Variants in CLDN18 observed in about 807,000 individuals in gnomAD.
CLDN18 encodes claudin-18.
A neutral mutation model predicts 25.0 loss-of-function variants in CLDN18; 20 were observed. That is an observed-to-expected ratio of 0.80 (90% CI 0.56 to 1.16). The LOEUF (loss-of-function observed/expected upper bound fraction) is 1.16, where lower values mean the gene tolerates loss of function less well. CLDN18 is among the 50% of genes most tolerant of loss of function. CLDN18 has a pLI of 0.00. For missense variants in CLDN18, 297 were observed against 345.4 expected, an observed-to-expected ratio of 0.86 and a Z score of 1.11; for synonymous variants, 125 against 135.6, an observed-to-expected ratio of 0.92 and a Z score of 0.54.
In CLDN18 at chr3:138,027,665, A is replaced by T. The variant is rs1214455105; in HGVS notation, c.504-2132A>T. ...AAAAAGTGCTTATCACAATATCAGT[A>T]AGGGCTTAATAAATGGTAGCAATTG... On this transcript the variant is annotated intron_variant, in intron 3 of 4. Transcript: ENST00000183605. Among the ~76,000 whole-genome samples, 6 of 152,334 alleles carry T rather than the reference A, an allele frequency of 3.9e-5. No individual in the cohort carries two copies. The South Asian group carries it at 1.0e-3, about 26-fold the overall frequency.
chr3:138,002,529 C>T (rs1361150878), intron 1 of CLDN18, among the ~76,000 whole-genome samples: 1 of 152,188 alleles, frequency 6.6e-6, no homozygotes, highest in African/African-American at 2.4e-5. Context: ...CAAATACGAT[C>T]ATAAACACCA....
chr3:138,031,282 C>A lies in CLDN18; in HGVS notation c.*141C>A. ...GCCTCGATTTCATCTTTGGAGAGGCCAAATGGTCTTAGCCTCAGTCTCTGT... is the reference window on the plus strand; with the variant it reads ...GCCTCGATTTCATCTTTGGAGAGGCAAAATGGTCTTAGCCTCAGTCTCTGT... On this transcript the variant is annotated 3_prime_UTR_variant, in exon 5 of 5. Transcript: ENST00000183605. The A allele has an allele frequency of 3.0e-6, 2 of 656,088 alleles. No homozygotes were observed. The highest frequency in any genetic ancestry group is 4.9e-6 in the Non-Finnish European group (2 of 404,692). The allele number at this position is 656,088 out of a possible 1,614,324, so 40.6% of individuals were successfully genotyped here. A position where few individuals can be genotyped will look rare whatever the true frequency, so the allele number is the denominator to read the frequency against.
At chr3:138,009,131 A>C (rs1443185078), upstream of CLDN18, among the ~76,000 whole-genome samples, 2 of 152,246 alleles carry the variant, frequency 1.3e-5, no homozygotes, top group Non-Finnish European at 2.9e-5. Context: ...AAGATAGTGT[A>C]TGAGATCTGA....
At chr3:138,028,956 A>G (rs1159370187) in intron 3 of CLDN18, among the ~76,000 whole-genome samples, 5 of 152,350 alleles carry the variant, frequency 3.3e-5, no homozygotes, top group East Asian at 1.9e-4. Flanking sequence ...TAGGAGCTCA[A>G]TAAAGACTTG....
intron 2 of CLDN18, 32 bp from the exon 3 acceptor site, chr3:138,024,574 TA>T (rs1175225856): frequency 2.2e-6 from 3 of 1,336,098 alleles, no homozygotes; most frequent in Non-Finnish European, 3.2e-6. Context: ...CCCTTGAAAC[TA>T]ACTCTGGAGT....
At position 138,023,833 on chromosome 3, in the gene CLDN18, A is replaced by G; in HGVS notation, c.385+11A>G. 6.3e-7 allele frequency: 1 copy of G among 1,599,274 alleles called. No individual in the cohort carries two copies. Among genetic ancestry groups the G allele is most frequent in the Non-Finnish European group, 8.6e-7 (1 of 1,169,262 alleles). On this transcript the variant is annotated intron_variant, in intron 2 of 4. Transcript: ENST00000183605. ...TGTTCATTGTCTCAGGTAAACACAGAGCCTGGAGTTCCCACTTCTGCGAAT... is the reference window on the plus strand; with the variant it reads ...TGTTCATTGTCTCAGGTAAACACAGGGCCTGGAGTTCCCACTTCTGCGAAT...
chr3:138,025,722 A>T (rs1942319457), intron 3 of CLDN18, among the ~76,000 whole-genome samples: 1 of 152,204 alleles, frequency 6.6e-6, no homozygotes, highest in African/African-American at 2.4e-5. Context: ...AACTCATTCC[A>T]GTCTGCCTGG....
chr3:138,029,941 T>G (rs1301029682), intron 4 of CLDN18, 34 bp downstream of exon 4: 11 of 1,339,080 alleles, frequency 8.2e-6, no homozygotes, highest in African/African-American at 1.4e-5. Flanking sequence ...ACCAGACGTT[T>G]TATTTGTTCA....
intron 1 of CLDN18, among the ~76,000 whole-genome samples, chr3:137,999,734 T>C (rs1303261628): frequency 1.3e-5 from 2 of 152,190 alleles, no homozygotes. Context: ...GGCGCTGCCA[T>C]GCAGGGAAAG....
rs1295314490 is a variant in CLDN18 at position 138,010,229 on chromosome 3, T to C, written c.4T>C (p.Ser2Pro). Residue 2 changes from serine to proline, a missense_variant, in exon 1 of 5, where the codon TCC (serine) becomes CCC (proline). Ser to Pro is a moderately conservative substitution (Grantham distance 74, BLOSUM62 -1). Transcript: ENST00000183605. M[S>P]TTTCQVVAFL... ...GGCAGGGCGGGCGGCCAGGATCATG[T>C]CCACCACCACATGCCAAGTGGTGGC... 1.2e-6 allele frequency: 2 copies of C among 1,612,842 alleles called. No homozygotes were observed. Among genetic ancestry groups the C allele is most frequent in the African/African-American group, 2.7e-5 (2 of 74,900 alleles).
intron 1 of CLDN18, among the ~76,000 whole-genome samples, chr3:138,001,499 G>C (rs1048864552): frequency 6.6e-6 from 1 of 151,656 alleles, no homozygotes; most frequent in Non-Finnish European, 1.5e-5. Flanking sequence ...TGGGATTACA[G>C]GTGTGAGCCA....
At chr3:138,006,285 A>G (rs1335181998), upstream of CLDN18, among the ~76,000 whole-genome samples, 1 of 152,214 alleles carries the variant, frequency 6.6e-6, no homozygotes, top group Non-Finnish European at 1.5e-5. Context: ...CCTAATTCCT[A>G]GCTATAATAT....
In CLDN18 at chr3:138,029,875, C is replaced by G; in HGVS notation, c.582C>G (p.Ile194Met). 6.3e-7 allele frequency: 1 copy of G among 1,597,302 alleles called. No individual in the cohort carries two copies. The highest frequency in any genetic ancestry group is 8.5e-7 in the Non-Finnish European group (1 of 1,172,298). Reference sequence around the variant, plus strand: ...TAATTGGGGGTGTGATGATGTGCATCGCCTGCCGGGGCCTGGCACCAGAAG... The same window carrying G: ...TAATTGGGGGTGTGATGATGTGCATGGCCTGCCGGGGCCTGGCACCAGAAG... ...LTLIGGVMMC[I>M]ACRGLAPEET... The change falls in exon 4 of 5, where the codon ATC becomes ATG. Residue 194 changes from isoleucine (I) to methionine (M), a missense_variant. Physicochemically the swap from Ile to Met is conservative, Grantham distance 10 (BLOSUM62 1). Coordinates refer to ENST00000183605, the MANE Select transcript of CLDN18 (RefSeq NM_016369.4).
Position 138,024,500 on chromosome 3 carries a change from C to T in CLDN18, c.386-107C>T, listed in dbSNP as rs556847073. The T allele has an allele frequency of 4.2e-5, 30 of 709,692 alleles. No homozygotes were observed. The African/African-American group carries it at 4.9e-4, about 12-fold the overall frequency. 44.0% of individuals were successfully genotyped at this position (709,692 alleles called of 1,614,324 possible). ...TAATCAATGCTTGGTTATAGGGATA[C>T]AATATTCTGCAGCCTACTCATCTAA... is the stretch of plus-strand genomic sequence containing the variant. On this transcript the variant is annotated intron_variant, in intron 2 of 4. Coordinates refer to ENST00000183605, the MANE Select transcript of CLDN18 (RefSeq NM_016369.4).
Position 138,024,641 on chromosome 3 carries a change from C to T in CLDN18, c.420C>T (p.Ala140=). Residue 140 remains alanine (A), a synonymous_variant, in exon 3 of 5, where the codon GCC becomes GCT. Coordinates refer to ENST00000183605, the MANE Select transcript of CLDN18 (RefSeq NM_016369.4). The stretch of plus-strand genomic sequence containing the variant: ...CAATTGCTGGAGTGTCTGTGTTTGC[C>T]AACATGCTGGTGACTAACTTCTGGA... The part of the protein sequence containing the change: ...LCAIAGVSVF[A]NMLVTNFWMS... The T allele has an allele frequency of 5.0e-6, 8 of 1,613,598 alleles. No individual in the cohort carries two copies. The highest frequency in any genetic ancestry group is 6.8e-6 in the Non-Finnish European group (8 of 1,179,548).
chr3:138,022,667 G>C (rs531365423), intron 1 of CLDN18, among the ~76,000 whole-genome samples: 1 of 152,310 alleles, frequency 6.6e-6, no homozygotes, highest in East Asian at 1.9e-4. Flanking sequence ...TTGCAGTTCA[G>C]CTCCACCAGA....
rs567940448 is a variant in CLDN18, at chr3:138,031,078, C to G, written c.723C>G (p.Tyr241Ter). ...FGSNTKNKKI[Y>*]DGGARTEDEV... ...CCAACACCAAAAACAAGAAGATATA[C>G]GATGGAGGTGCCCGCACAGAGGACG... is the stretch of plus-strand genomic sequence containing the variant. Residue 241 changes from tyrosine (Y) to a stop codon, truncating the protein, a stop_gained, in exon 5 of 5, where the codon TAC becomes TAG. Transcript: ENST00000183605. LOFTEE classifies it high-confidence loss of function. 1.2e-6 allele frequency: 2 copies of G among 1,613,972 alleles called. No homozygotes were observed. Among genetic ancestry groups the G allele is most frequent in the Non-Finnish European group, 8.5e-7 (1 of 1,180,014 alleles).
intron 1 of CLDN18, among the ~76,000 whole-genome samples, chr3:138,001,773 C>T (rs1192132046): frequency 6.6e-6 from 1 of 152,054 alleles, no homozygotes; most frequent in Non-Finnish European, 1.5e-5. Context: ...TCTTGCATAC[C>T]ATCAAGGTTG....
chr3:138,005,253 T>C (rs1162451283), upstream of CLDN18: 2 of 152,200 alleles, frequency 1.3e-5, no homozygotes, highest in Non-Finnish European at 2.9e-5. Context: ...TTTTTTATTA[T>C]TATTATACTT....
Sources: allele counts gnomAD v4.1 joint callset (sites outside exome capture counted in the v4.1 genomes callset), GRCh38; gene constraint gnomAD v4.1.1; transcripts MANE v1.5; gene names NCBI Gene and HGNC (gene_info 2026-07-23, HGNC 2026-07-21).